Variants in TRAF5 observed in about 807,000 individuals in gnomAD.
TRAF5 encodes TNF receptor-associated factor 5.
TRAF5 carries 48 observed loss-of-function variants against 64.5 expected under a neutral mutation model. That is an observed-to-expected ratio of 0.74 (90% CI 0.59 to 0.95). TRAF5 has a LOEUF of 0.95. Ranked by LOEUF, TRAF5 falls within the 40% of genes least tolerant of loss-of-function variation. The pLI is 0.00. For synonymous variants in TRAF5, 206 were observed against 240.5 expected, an observed-to-expected ratio of 0.86 and a Z score of 1.33; for missense variants, 545 against 662.8, an observed-to-expected ratio of 0.82 and a Z score of 1.95.
chr1:211,369,444 G>T lies in TRAF5; in HGVS notation c.790-8G>T. ...TGACTTTATTTTTCCTCACGTTCCT[G>T]TTATTAGATTTCTGACTTACACAAG... is the stretch of plus-strand genomic sequence containing the variant. On this transcript the variant is annotated splice_region_variant and splice_polypyrimidine_tract_variant and intron_variant, in intron 8 of 10. Transcript: ENST00000261464. The T allele has an allele frequency of 6.4e-7, 1 of 1,572,782 alleles. No individual in the cohort carries two copies. The highest frequency in any genetic ancestry group is 8.6e-7 in the Non-Finnish European group (1 of 1,166,392).
At chr1:211,347,092 T>C (rs1022367946) in intron 1 of TRAF5, among the ~76,000 whole-genome samples, 2 of 149,306 alleles carry the variant, frequency 1.3e-5, no homozygotes, top group African/African-American at 2.5e-5. Flanking sequence ...TTTTGATATG[T>C]TTTTTTTTTC....
chr1:211,337,428 CAG>C (rs1702332193), intron 1 of TRAF5, among the ~76,000 whole-genome samples: 1 of 152,152 alleles, frequency 6.6e-6, no homozygotes, highest in Admixed American at 6.5e-5. Context: ...AGTAAGGACA[CAG>C]AGAATGGAGA....
At chr1:211,358,150 AG>A (rs1306217783) in intron 4 of TRAF5, 1 of 152,188 alleles carries the variant, frequency 6.6e-6, no homozygotes, top group Non-Finnish European at 1.5e-5. Flanking sequence ...AGTGATTCAA[AG>A]GTTTTCACTG....
intron 5 of TRAF5, chr1:211,360,433 C>T (rs1161787210): frequency 2.0e-6 from 1 of 505,636 alleles, no homozygotes; most frequent in Admixed American, 3.6e-5. Flanking sequence ...TTTACATGTC[C>T]CGAAGGAGCT....
At chr1:211,333,138 C>G (rs1702199178) in intron 1 of TRAF5, among the ~76,000 whole-genome samples, 1 of 152,172 alleles carries the variant, frequency 6.6e-6, no homozygotes, top group Admixed American at 6.5e-5. Context: ...CTCATTAATT[C>G]TGTTCAAGCC....
intron 1 of TRAF5, among the ~76,000 whole-genome samples, chr1:211,332,441 G>A (rs1702181443): frequency 6.6e-6 from 1 of 152,086 alleles, no homozygotes; most frequent in Non-Finnish European, 1.5e-5. Context: ...TAAGGCTTCT[G>A]TTAGGGAGAC....
rs182637551 is a variant in TRAF5, at chr1:211,338,845, G to A, written c.-2+11956G>A. Among the ~76,000 whole-genome samples, 26 of 152,238 alleles carry A rather than the reference G, an allele frequency of 1.7e-4. No individual in the cohort carries two copies. In the East Asian group the frequency reaches 4.6e-3, roughly 27 times the overall value. On this transcript the variant is annotated intron_variant, in intron 1 of 10. Coordinates refer to ENST00000261464, the MANE Select transcript of TRAF5 (RefSeq NM_001033910.3). ...TCACCATGTTGCCCAGGTTGGTCTCGAACTCCTGAGCTCAGACAATCCGCC... is the reference window on the plus strand; with the variant it reads ...TCACCATGTTGCCCAGGTTGGTCTCAAACTCCTGAGCTCAGACAATCCGCC...
chr1:211,350,217 T>G (rs576961492), intron 1 of TRAF5, among the ~76,000 whole-genome samples: 82 of 151,648 alleles, frequency 5.4e-4, no homozygotes, highest in African/African-American at 1.9e-3. Flanking sequence ...TTTTTTTCTT[T>G]CTTTTTTTTT....
At chr1:211,343,634 G>C (rs11582143) in intron 1 of TRAF5, among the ~76,000 whole-genome samples, 25,330 of 152,026 alleles carry the variant, frequency 0.17, 2,242 homozygotes, top group African/African-American at 0.23. Flanking sequence ...CTCTGTGCTT[G>C]GACATAGCCT....
intron 1 of TRAF5, among the ~76,000 whole-genome samples, chr1:211,352,594 C>T (rs539308054): frequency 6.6e-6 from 1 of 151,786 alleles, no homozygotes; most frequent in Admixed American, 6.6e-5. Context: ...CCACTGGCCT[C>T]CAGCCTGGGC....
intron 1 of TRAF5, among the ~76,000 whole-genome samples, chr1:211,334,301 T>C (rs750378892): frequency 6.6e-6 from 1 of 152,194 alleles, no homozygotes; most frequent in African/African-American, 2.4e-5. Flanking sequence ...GGGCTGGTCA[T>C]GTAGATACCT....
chr1:211,350,146 G>A lies in TRAF5; in HGVS notation c.-1-3093G>A, dbSNP rs148913011. Among the ~76,000 whole-genome samples the A allele has an allele frequency of 4.1e-3, 622 of 151,198 alleles. 10 individuals carry two copies. Among genetic ancestry groups the A allele is most frequent in the African/African-American group, 0.015 (605 of 41,234 alleles). On this transcript the variant is annotated intron_variant, in intron 1 of 10. Coordinates refer to ENST00000261464, the MANE Select transcript of TRAF5 (RefSeq NM_001033910.3). ...CTTATACTGCTTACCTACCACCCTT[G>A]AAGTTTTGCAGGAAACACTAGGGAA...
intron 1 of TRAF5, among the ~76,000 whole-genome samples, chr1:211,347,431 C>G (rs2102733207): frequency 6.6e-6 from 1 of 152,306 alleles, no homozygotes. Context: ...AGAAAGACAC[C>G]TCAAGTCCAC....
At position 211,374,280 on chromosome 1, in the gene TRAF5, C is replaced by T. The variant is rs1226099851; in HGVS notation, c.*1578C>T. ...GCCCTTCTGCGTTGTTATGCCACTT[C>T]CCTACTGCTCATATGCACGCTGGCT... On this transcript the variant is annotated 3_prime_UTR_variant, in exon 11 of 11. Coordinates refer to ENST00000261464, the MANE Select transcript of TRAF5 (RefSeq NM_001033910.3). 1 of 152,894 alleles carries T rather than the reference C, an allele frequency of 6.5e-6. No individual in the cohort carries two copies. The highest frequency in any genetic ancestry group is 2.1e-4 in the South Asian group (1 of 4,838). 9.5% of individuals were successfully genotyped at this position (152,894 alleles called of 1,614,324 possible).
chr1:211,346,562 A>C (rs1448369635), intron 1 of TRAF5: 2 of 370,864 alleles, frequency 5.4e-6, no homozygotes, highest in African/African-American at 4.4e-5. Context: ...TGTCTTATGC[A>C]CTATAACATA....
At chr1:211,370,919 T>G (rs1465021899) in intron 9 of TRAF5, among the ~76,000 whole-genome samples, 1 of 152,126 alleles carries the variant, frequency 6.6e-6, no homozygotes, top group Non-Finnish European at 1.5e-5. Context: ...ATTCTCCACC[T>G]TCTAGCAGAG....
intron 6 of TRAF5, 112 bp downstream of exon 6, chr1:211,360,891 C>A: frequency 1.9e-6 from 2 of 1,053,688 alleles, no homozygotes; most frequent in Non-Finnish European, 2.9e-6. Context: ...TTAAATTACA[C>A]GCATGACCAT....
At chr1:211,367,959 A>C (rs995097491) in intron 8 of TRAF5, among the ~76,000 whole-genome samples, 3 of 152,212 alleles carry the variant, frequency 2.0e-5, no homozygotes, top group African/African-American at 7.2e-5. Context: ...AGTTATAAGC[A>C]TGATAATGAT....
At chr1:211,344,251 C>T (rs568188639) in intron 1 of TRAF5, among the ~76,000 whole-genome samples, 1 of 152,184 alleles carries the variant, frequency 6.6e-6, no homozygotes, top group Non-Finnish European at 1.5e-5. Context: ...GCTTGCTGTA[C>T]CGCCAGGAGA....
Sources: gnomAD v4.1 joint callset for allele counts (sites outside exome capture counted in the v4.1 genomes callset) on GRCh38, gnomAD v4.1.1 for gene constraint, MANE v1.5 for transcripts, NCBI Gene and HGNC (gene_info 2026-07-23, HGNC 2026-07-21) for gene names.